Variants in IGFL2 observed in about 807,000 individuals in gnomAD.
IGFL2 encodes the protein insulin growth factor-like family member 2.
In IGFL2, 7 loss-of-function variants were observed where a neutral mutation model predicts 13.9. The ratio of observed to expected loss-of-function variants is 0.51; its 90% confidence interval spans 0.29 to 0.95. IGFL2 has a LOEUF of 0.95. Among genes scored for constraint, IGFL2 ranks in the 40% least tolerant of loss-of-function variants. The pLI is 0.08. For missense variants in IGFL2, 138 were observed against 147.8 expected, an observed-to-expected ratio of 0.93 and a Z score of 0.34; for synonymous variants, 55 against 55.8, an observed-to-expected ratio of 0.99 and a Z score of 0.07.
At chr19:46,190,923 A>G in the IGFL2 span, among the ~76,000 whole-genome samples, 39 of 152,278 alleles carry the variant, frequency 2.6e-4, no homozygotes, top group African/African-American at 9.4e-4. Context: ...CCGCTGAGTC[A>G]TCTGTGGTGC....
chr19:46,191,062 A>G, the IGFL2 span, among the ~76,000 whole-genome samples: 24,014 of 152,086 alleles, frequency 0.16, 2,086 homozygotes, highest in Non-Finnish European at 0.18. Flanking sequence ...AGAAGCAGGT[A>G]TGTTTTTCTG....
chr19:46,180,957 G>A, the IGFL2 span, among the ~76,000 whole-genome samples: 3 of 152,146 alleles, frequency 2.0e-5, no homozygotes, highest in Admixed American at 2.0e-4. Context: ...ATTGAGGGTG[G>A]GTCTGCTGCT....
At chr19:46,154,884 T>G (rs1197250134) in intron 1 of IGFL2, among the ~76,000 whole-genome samples, 1 of 152,158 alleles carries the variant, frequency 6.6e-6, no homozygotes, top group Non-Finnish European at 1.5e-5. Flanking sequence ...AAAAGCCAGT[T>G]TTAGGGAGAC....
At chr19:46,164,756 G>A (rs778723795), downstream of IGFL2, 7 of 152,198 alleles carry the variant, frequency 4.6e-5, no homozygotes, top group East Asian at 1.9e-4. Context: ...GAGAAGGCAC[G>A]TGTTTTCCAT....
chr19:46,124,557 C>A, the IGFL2 span: 2 of 1,395,966 alleles, frequency 1.4e-6, no homozygotes, highest in Non-Finnish European at 2.0e-6. Context: ...AGGAATAAAT[C>A]GGGTTGAGGT....
At chr19:46,124,273 G>C in the IGFL2 span, 1 of 1,610,848 alleles carries the variant, frequency 6.2e-7, no homozygotes, top group Non-Finnish European at 8.5e-7. Context: ...CTTACCTGTA[G>C]TTCCTTTTGA....
upstream of IGFL2, among the ~76,000 whole-genome samples, chr19:46,145,638 T>TG (rs1568421144): frequency 1.2e-3 from 135 of 112,910 alleles, no homozygotes; most frequent in African/African-American, 4.7e-3. Flanking sequence ...GTGTGTGTAT[T>TG]TATTTATTTA....
At chr19:46,159,121 C>T (rs2146880377) in intron 1 of IGFL2, 1 of 152,348 alleles carries the variant, frequency 6.6e-6, no homozygotes, top group East Asian at 1.9e-4. Context: ...TCGCAGCTGT[C>T]ACTCTTCTCT....
downstream of IGFL2, among the ~76,000 whole-genome samples, chr19:46,161,531 A>G (rs1439118061): frequency 6.6e-6 from 1 of 152,196 alleles, no homozygotes; most frequent in Non-Finnish European, 1.5e-5. Flanking sequence ...AAATATATTT[A>G]GGATAATTAG....
At chr19:46,193,960 G>A in the IGFL2 span, among the ~76,000 whole-genome samples, 1 of 152,138 alleles carries the variant, frequency 6.6e-6, no homozygotes, top group Non-Finnish European at 1.5e-5. Context: ...ATGATGAGTG[G>A]CCATTTCTGG....
the IGFL2 span, among the ~76,000 whole-genome samples, chr19:46,184,427 A>G: frequency 4.0e-4 from 59 of 147,702 alleles, no homozygotes; most frequent in Admixed American, 3.9e-3. Context: ...CCAGTCCCCC[A>G]CCCCCGACAG....
At chr19:46,080,213 C>T in the IGFL2 span, among the ~76,000 whole-genome samples, 9 of 152,040 alleles carry the variant, frequency 5.9e-5, no homozygotes, top group Non-Finnish European at 1.2e-4. Flanking sequence ...AACTTTTATC[C>T]TGGGGCAGGG....
the IGFL2 span, among the ~76,000 whole-genome samples, chr19:46,211,422 C>T: frequency 2.6e-5 from 4 of 152,206 alleles, no homozygotes; most frequent in Non-Finnish European, 5.9e-5. Context: ...CCTGAAATTC[C>T]ACCTCATTCC....
chr19:46,186,704 A>T, the IGFL2 span, among the ~76,000 whole-genome samples: 1 of 152,182 alleles, frequency 6.6e-6, no homozygotes, highest in Non-Finnish European at 1.5e-5. Context: ...CACAGCATAG[A>T]TTTGATGGCT....
At chr19:46,110,152 C>T in the IGFL2 span, among the ~76,000 whole-genome samples, 7 of 152,222 alleles carry the variant, frequency 4.6e-5, no homozygotes, top group East Asian at 1.9e-4. Context: ...AAGAGACACA[C>T]GTAAACCTGA....
downstream of IGFL2, among the ~76,000 whole-genome samples, chr19:46,164,948 T>C (rs1209748484): frequency 6.6e-6 from 1 of 152,212 alleles, no homozygotes; most frequent in Admixed American, 6.5e-5. Context: ...CCATCTGTCA[T>C]TATAGATATG....
upstream of IGFL2, among the ~76,000 whole-genome samples, chr19:46,142,881 T>C (rs1342897350): frequency 5.9e-5 from 9 of 152,366 alleles, no homozygotes; most frequent in East Asian, 1.7e-3. Flanking sequence ...AGCTTATCAC[T>C]GTCAAGCCTT....
chr19:46,200,923 A>G, the IGFL2 span: 4 of 152,236 alleles, frequency 2.6e-5, no homozygotes, highest in East Asian at 7.7e-4. Context: ...AAGGCAGTTC[A>G]TAAAAATCTG....
chr19:46,205,009 A>G, the IGFL2 span: 1 of 150,138 alleles, frequency 6.7e-6, no homozygotes, highest in Non-Finnish European at 1.5e-5. Flanking sequence ...CTGTTCTCAA[A>G]CTCCTGACCT....
Sources: gnomAD v4.1 joint callset for allele counts (sites outside exome capture counted in the v4.1 genomes callset) on GRCh38, gnomAD v4.1.1 for gene constraint, MANE v1.5 for transcripts, NCBI Gene and HGNC (gene_info 2026-07-23, HGNC 2026-07-21) for gene names.